OSBPL1A: variants seen among roughly 807,000 people sequenced by gnomAD.
The protein encoded by OSBPL1A is oxysterol binding protein like 1A, also known as oxysterol-binding protein-related protein 1.
OSBPL1A carries 80 observed loss-of-function variants against 137.1 expected under a neutral mutation model. The observed-to-expected ratio is 0.58, with a 90% confidence interval of 0.49 to 0.70. OSBPL1A has a LOEUF of 0.70. OSBPL1A is among the 30% of genes least tolerant of loss of function. The pLI is 0.00. For synonymous variants in OSBPL1A, 365 were observed against 389.7 expected (o/e 0.94, Z 0.75); for missense variants, 970 against 1,129.4 (o/e 0.86, Z 2.02).
chr18:24,387,098 C>G (rs1907007060), intron 1 of OSBPL1A, among the ~76,000 whole-genome samples: 2 of 151,948 alleles, frequency 1.3e-5, no homozygotes, highest in African/African-American at 4.8e-5. Context: ...ATTTCCTGCA[C>G]TGCTGGAGTG....
chr18:24,176,989 GCT>G (rs1352707453), intron 21 of OSBPL1A, among the ~76,000 whole-genome samples: 5 of 152,214 alleles, frequency 3.3e-5, no homozygotes, highest in African/African-American at 9.6e-5. Context: ...GAGCCTCTCT[GCT>G]CTGTCTTGTA....
At chr18:24,359,149 T>C (rs1012586013) in intron 4 of OSBPL1A, among the ~76,000 whole-genome samples, 6 of 151,874 alleles carry the variant, frequency 4.0e-5, no homozygotes, top group Non-Finnish European at 8.8e-5. Flanking sequence ...GCTCTGGATG[T>C]GGAGGTTGCA....
chr18:24,241,699 A>G (rs930856720), intron 15 of OSBPL1A, among the ~76,000 whole-genome samples: 1 of 152,244 alleles, frequency 6.6e-6, no homozygotes, highest in African/African-American at 2.4e-5. Flanking sequence ...TAGTTCAACC[A>G]TTGTGGAAGA....
At chr18:24,302,689 A>C (rs1472987438) in intron 14 of OSBPL1A, 3 of 152,152 alleles carry the variant, frequency 2.0e-5, no homozygotes, top group African/African-American at 7.2e-5. Flanking sequence ...CCAAAGTGCC[A>C]GGATTACAGG....
intron 14 of OSBPL1A, among the ~76,000 whole-genome samples, chr18:24,283,491 CT>C (rs2146077658): frequency 6.6e-6 from 1 of 151,974 alleles, no homozygotes; most frequent in South Asian, 2.1e-4. Flanking sequence ...ACTTTACAGA[CT>C]TTATTTTTCA....
chr18:24,383,304 C>T (rs1906737876), intron 1 of OSBPL1A, among the ~76,000 whole-genome samples: 1 of 152,156 alleles, frequency 6.6e-6, no homozygotes, highest in East Asian at 1.9e-4. Flanking sequence ...ATATTCTTTT[C>T]ATGCCTTTAA....
intron 18 of OSBPL1A, among the ~76,000 whole-genome samples, chr18:24,182,486 G>C (rs147941511): frequency 1.3e-5 from 2 of 152,190 alleles, no homozygotes; most frequent in African/African-American, 4.8e-5. Flanking sequence ...GAGGTGCGTA[G>C]TCAGGCTGAA....
At chr18:24,242,062 T>C (rs556382252) in intron 15 of OSBPL1A, among the ~76,000 whole-genome samples, 113 of 138,034 alleles carry the variant, frequency 8.2e-4, no homozygotes, top group African/African-American at 2.9e-3. Flanking sequence ...CACTCTTAAG[T>C]GGGAGTTGAA....
intron 14 of OSBPL1A, among the ~76,000 whole-genome samples, chr18:24,300,661 G>T (rs2090382522): frequency 6.6e-6 from 1 of 152,070 alleles, no homozygotes; most frequent in South Asian, 2.1e-4. Flanking sequence ...AAGTGATCTG[G>T]GTCTTAAAGT....
At chr18:24,376,889 AGCCCAC>A (rs775883338) in intron 2 of OSBPL1A, among the ~76,000 whole-genome samples, 1 of 152,186 alleles carries the variant, frequency 6.6e-6, no homozygotes, top group Admixed American at 6.5e-5. Context: ...GGGCCCACCA[AGCCCAC>A]GCCCACGCCC....
At chr18:24,323,097 T>C (rs2090896222) in intron 7 of OSBPL1A, among the ~76,000 whole-genome samples, 1 of 152,056 alleles carries the variant, frequency 6.6e-6, no homozygotes, top group Non-Finnish European at 1.5e-5. Flanking sequence ...TCTGGAAGAA[T>C]AAACAGATAA....
intron 17 of OSBPL1A, among the ~76,000 whole-genome samples, chr18:24,210,809 T>G (rs1326912179): frequency 1.3e-5 from 2 of 152,208 alleles, no homozygotes; most frequent in African/African-American, 2.4e-5. Context: ...GTGCTGAGAT[T>G]ACAGGTGTGA....
At chr18:24,272,528 A>G (rs761672486) in intron 15 of OSBPL1A, among the ~76,000 whole-genome samples, 57 of 152,186 alleles carry the variant, frequency 3.7e-4, no homozygotes, top group Non-Finnish European at 7.2e-4. Context: ...AAAGGTTCAG[A>G]GGACAGGAAA....
intron 1 of OSBPL1A, among the ~76,000 whole-genome samples, chr18:24,397,265 T>C (rs2144301984): frequency 6.6e-6 from 1 of 152,296 alleles, no homozygotes; most frequent in Non-Finnish European, 1.5e-5. Flanking sequence ...CCATTGTGCA[T>C]CAATCCTCCT....
At position 24,179,447 on chromosome 18, in the gene OSBPL1A, AC is replaced by A. The variant is rs1187415143; in HGVS notation, c.1910+290del. Among the ~76,000 whole-genome samples the A allele has an allele frequency of 5.9e-5, 9 of 151,958 alleles. 1 individual carries two copies. The South Asian group carries it at 8.3e-4, about 14-fold the overall frequency. On this transcript the variant is annotated intron_variant, in intron 20 of 27. Coordinates refer to ENST00000319481, the MANE Select transcript of OSBPL1A (RefSeq NM_080597.4). ...CTAAAACTTAAAGTAAAAAAAAAAA[AC>A]AAAACAAAACTCGATCATGTCTCAT...
chr18:24,378,309 G>A (rs892646460), intron 1 of OSBPL1A, among the ~76,000 whole-genome samples: 1 of 152,166 alleles, frequency 6.6e-6, no homozygotes, highest in Non-Finnish European at 1.5e-5. Flanking sequence ...GGCATGGGCA[G>A]GAAATAGCAC....
chr18:24,187,922 C>T (rs1239692720), intron 18 of OSBPL1A, among the ~76,000 whole-genome samples: 1 of 152,212 alleles, frequency 6.6e-6, no homozygotes, highest in Admixed American at 6.5e-5. Context: ...GTAGGTGACA[C>T]AGGCTATGCC....
chr18:24,249,404 A>G (rs1437315119), intron 15 of OSBPL1A, among the ~76,000 whole-genome samples: 1 of 152,236 alleles, frequency 6.6e-6, no homozygotes, highest in African/African-American at 2.4e-5. Context: ...TCACAGGAAC[A>G]CCAAATTGTA....
chr18:24,366,739 GA>G, intron 4 of OSBPL1A, 152 bp downstream of exon 4: 1 of 577,556 alleles, frequency 1.7e-6, no homozygotes, highest in Non-Finnish European at 2.9e-6. Flanking sequence ...CAGACTCAAA[GA>G]TCCTGTGGCC....
Sources: gnomAD v4.1 joint callset for allele counts (sites outside exome capture counted in the v4.1 genomes callset) on GRCh38, gnomAD v4.1.1 for gene constraint, MANE v1.5 for transcripts, NCBI Gene and HGNC (gene_info 2026-07-23, HGNC 2026-07-21) for gene names.